Variants in UVSSA observed in about 807,000 individuals in gnomAD.
UVSSA encodes the protein UV stimulated scaffold protein A.
In UVSSA, 72 loss-of-function variants were observed where a neutral mutation model predicts 73.9. That is an observed-to-expected ratio of 0.97 (90% CI 0.81 to 1.19). The LOEUF (loss-of-function observed/expected upper bound fraction) is 1.19. Among genes scored for constraint, UVSSA ranks in the 50% most tolerant of loss-of-function variants. The pLI is 0.00. For missense variants in UVSSA, 1,150 were observed against 965.0 expected, an observed-to-expected ratio of 1.19 and a Z score of -2.54; for synonymous variants, 454 against 391.3, an observed-to-expected ratio of 1.16 and a Z score of -1.89.
At chr4:1,343,315 C>T (rs1028283433), upstream of UVSSA, among the ~76,000 whole-genome samples, 2 of 152,140 alleles carry the variant, frequency 1.3e-5, no homozygotes, top group Non-Finnish European at 2.9e-5. Flanking sequence ...GACATCAGTC[C>T]TATCAGATGA....
intron 2 of UVSSA, among the ~76,000 whole-genome samples, chr4:1,349,221 A>G (rs1441770030): frequency 3.3e-5 from 5 of 152,238 alleles, no homozygotes; most frequent in South Asian, 2.1e-4. Flanking sequence ...CGACGTTCCA[A>G]TGACACTTTG....
At chr4:1,371,162 A>G (rs1214633683) in intron 8 of UVSSA, among the ~76,000 whole-genome samples, 7 of 151,946 alleles carry the variant, frequency 4.6e-5, no homozygotes, top group African/African-American at 1.4e-4. Context: ...GTGGACGTGT[A>G]TGTGTGTGTA....
At chr4:1,368,815 G>A (rs767365346) in intron 8 of UVSSA, among the ~76,000 whole-genome samples, 30 of 152,236 alleles carry the variant, frequency 2.0e-4, no homozygotes, top group Admixed American at 3.3e-4. Context: ...TGCTGGGTCC[G>A]TCCTGGTCCA....
chr4:1,342,345 T>C (rs1369206078), upstream of UVSSA, among the ~76,000 whole-genome samples: 2 of 152,226 alleles, frequency 1.3e-5, no homozygotes, highest in East Asian at 3.8e-4. Context: ...TGATGTCTGA[T>C]TTTGACCTGA....
At chr4:1,385,705 C>T (rs1165856146) in intron 13 of UVSSA, 163 bp from the exon 14 acceptor site, 5 of 686,368 alleles carry the variant, frequency 7.3e-6, no homozygotes, top group African/African-American at 1.8e-5. Context: ...CCAAGGGGCC[C>T]GTCGCCCATC....
intron 8 of UVSSA, among the ~76,000 whole-genome samples, chr4:1,372,486 T>C (rs1286940145): frequency 6.6e-6 from 1 of 152,170 alleles, no homozygotes; most frequent in Admixed American, 6.5e-5. Context: ...CATATGTGTT[T>C]CTCAATTTCT....
At chr4:1,348,066 C>T (rs367707267) in intron 1 of UVSSA, 24 bp from the exon 2 acceptor site, 26 of 1,551,128 alleles carry the variant, frequency 1.7e-5, no homozygotes, top group Non-Finnish European at 2.1e-5. Flanking sequence ...GGTGATATAG[C>T]ATCTCTGCCT....
chr4:1,388,154 C>T (rs1720281964), downstream of UVSSA: 2 of 152,090 alleles, frequency 1.3e-5, no homozygotes, highest in African/African-American at 4.8e-5. Flanking sequence ...TAAATTTACT[C>T]ATATTTTATT....
At chr4:1,358,265 C>G (rs989774830) in intron 7 of UVSSA, among the ~76,000 whole-genome samples, 21 of 152,230 alleles carry the variant, frequency 1.4e-4, no homozygotes, top group South Asian at 6.2e-4. Context: ...TTGGAGGGCC[C>G]CTCGTCCCCT....
rs758935466 is a variant in UVSSA at position 1,380,183 on chromosome 4, G to A, written c.1705G>A (p.Ala569Thr). Residue 569 changes from alanine to threonine, a missense_variant, in exon 11 of 14, where the codon GCC becomes ACC. Coordinates refer to ENST00000389851, the MANE Select transcript of UVSSA (RefSeq NM_020894.4). ...KFEPVQHWCR[A>T]PRPDGRLCER... ...TGAGCCTGTGCAGCACTGGTGCCGT[G>A]CCCCGAGGCCAGACGGCCGGCTCTG... The A allele has an allele frequency of 2.5e-6, 4 of 1,612,970 alleles. No homozygotes were observed. In the East Asian group the frequency reaches 6.7e-5, roughly 27 times the overall value.
chr4:1,369,124 C>CGTTCT (rs1411250898), intron 8 of UVSSA, among the ~76,000 whole-genome samples: 2 of 131,098 alleles, frequency 1.5e-5, no homozygotes, highest in East Asian at 6.6e-4. Context: ...CACGTTCTGC[C>CGTTCT]GTTCTGCCGT....
chr4:1,361,058 C>T (rs957865563), intron 7 of UVSSA, among the ~76,000 whole-genome samples: 6 of 152,230 alleles, frequency 3.9e-5, no homozygotes, highest in Non-Finnish European at 8.8e-5. Context: ...CCAGGACCCC[C>T]GGCCCGCATC....
In UVSSA at chr4:1,381,058, G is replaced by GT. The variant is rs1345907955; in HGVS notation, c.1861+71dup. 4 of 1,448,886 alleles carry GT rather than the reference G, an allele frequency of 2.8e-6. No homozygotes were observed. The African/African-American group carries it at 5.6e-5, about 20-fold the overall frequency. The allele number at this position is 1,448,886 out of a possible 1,614,324, so 89.8% of individuals were successfully genotyped here. ...CTCACTGCCACTAGTGGCCCGGGGTGTGTCTGCAGAGTCACAGAGCACCCG... is the reference window on the plus strand; with the variant it reads ...CTCACTGCCACTAGTGGCCCGGGGTGTTGTCTGCAGAGTCACAGAGCACCCG... On this transcript the variant is annotated intron_variant, in intron 12 of 13. Coordinates refer to ENST00000389851, the MANE Select transcript of UVSSA (RefSeq NM_020894.4).
At position 1,394,526 on chromosome 4, in the gene UVSSA, G is replaced by A. The variant is rs761806061; in HGVS notation, c.*8565G>A. The A allele has an allele frequency of 3.7e-5, 57 of 1,548,966 alleles. No homozygotes were observed. The South Asian group carries it at 4.6e-4, about 12-fold the overall frequency. Reference sequence around the variant, plus strand: ...CTGCACCTCTTATGCATGAGCCCTCGCTTTGTGCCAATGTGGAGTGCCCGC... The same window carrying A: ...CTGCACCTCTTATGCATGAGCCCTCACTTTGTGCCAATGTGGAGTGCCCGC... On this transcript the variant is annotated 3_prime_UTR_variant, in exon 14 of 14. Coordinates refer to the UVSSA transcript ENST00000511216.
At chr4:1,367,214 T>C (rs1465978110) in intron 8 of UVSSA, among the ~76,000 whole-genome samples, 1 of 152,088 alleles carries the variant, frequency 6.6e-6, no homozygotes, top group African/African-American at 2.4e-5. Context: ...CAAAAATACC[T>C]CCCAAAACTG....
chr4:1,345,311 AG>A (rs1285251938), upstream of UVSSA, among the ~76,000 whole-genome samples: 1 of 152,150 alleles, frequency 6.6e-6, no homozygotes, highest in Non-Finnish European at 1.5e-5. Flanking sequence ...CAAGTGAGTC[AG>A]ATAATTGGTC....
chr4:1,378,665 G>C (rs913744365), intron 10 of UVSSA, among the ~76,000 whole-genome samples: 1 of 152,216 alleles, frequency 6.6e-6, no homozygotes, highest in Non-Finnish European at 1.5e-5. Flanking sequence ...CGGCTCCTGA[G>C]TGTTCTCACT....
At chr4:1,394,101 C>T (rs775260511) in exon 14 of UVSSA, 9 of 323,372 alleles carry the variant, frequency 2.8e-5, no homozygotes, top group Non-Finnish European at 5.2e-5. Flanking sequence ...TCACTTCTTA[C>T]TTGCACACAG....
chr4:1,383,642 G>A (rs1178474864), intron 12 of UVSSA, 124 bp from the exon 13 acceptor site: 78 of 1,137,222 alleles, frequency 6.9e-5, no homozygotes, highest in Admixed American at 4.4e-4. Flanking sequence ...GCCAGGGTAC[G>A]GCCGTGGGCA....
Sources: allele counts gnomAD v4.1 joint callset (sites outside exome capture counted in the v4.1 genomes callset), GRCh38; gene constraint gnomAD v4.1.1; transcripts MANE v1.5; gene names NCBI Gene and HGNC (gene_info 2026-07-23, HGNC 2026-07-21).